The following KLHL4 variants were observed in gnomAD, a reference collection of about 807,000 sequenced individuals.
KLHL4 encodes kelch-like protein 4.
KLHL4 carries 17 observed loss-of-function variants against 45.8 expected under a neutral mutation model. That is an observed-to-expected ratio of 0.37 (90% CI 0.25 to 0.56). KLHL4 has a LOEUF of 0.56. KLHL4 is among the 20% of genes least tolerant of loss of function. The pLI, the probability that KLHL4 is intolerant of heterozygous loss-of-function variation, is 0.79. For missense variants in KLHL4, 544 were observed against 544.9 expected (o/e 1.00, Z 0.02); for synonymous variants, 224 against 189.9 (o/e 1.18, Z -1.47).
At chrX:87,600,183 G>C (rs1231607737) in intron 1 of KLHL4, among the ~76,000 whole-genome samples, 1 of 110,663 alleles carries the variant, frequency 9.0e-6, no homozygotes, top group Admixed American at 9.6e-5. Context: ...CACAGATCCG[G>C]TCATTTAAAA....
intron 9 of KLHL4, among the ~76,000 whole-genome samples, chrX:87,644,995 G>A (rs72634517): frequency 0.035 from 3,889 of 111,491 alleles, 75 homozygotes; most frequent in East Asian, 0.14. Flanking sequence ...TTTAGGCAAG[G>A]ATGTCATGAC....
chrX:87,605,551 T>A (rs1922165184), intron 1 of KLHL4, among the ~76,000 whole-genome samples: 1 of 111,276 alleles, frequency 9.0e-6, no homozygotes, highest in Non-Finnish European at 1.9e-5. Context: ...TGTTAGCATG[T>A]AGATACACTA....
chrX:87,608,474 CT>C (rs530132035), intron 1 of KLHL4, among the ~76,000 whole-genome samples: 129 of 106,863 alleles, frequency 1.2e-3, no homozygotes, highest in African/African-American at 3.5e-3. Flanking sequence ...TTCTGAAGGG[CT>C]TTTTTTTTTC....
intron 9 of KLHL4, among the ~76,000 whole-genome samples, chrX:87,640,443 A>T (rs758153920): frequency 8.9e-6 from 1 of 111,905 alleles, no homozygotes; most frequent in Non-Finnish European, 1.9e-5. Flanking sequence ...AATTCTCAAC[A>T]CAATACTAGT....
chrX:87,553,333 ATAAT>A (rs952903076), intron 1 of KLHL4, among the ~76,000 whole-genome samples: 4 of 110,988 alleles, frequency 3.6e-5, no homozygotes, highest in African/African-American at 6.5e-5. Context: ...TTATCAATCA[ATAAT>A]TAGTTAATGA....
At chrX:87,556,443 A>G (rs1180022454) in intron 1 of KLHL4, among the ~76,000 whole-genome samples, 18 of 106,936 alleles carry the variant, frequency 1.7e-4, no homozygotes, top group Non-Finnish European at 3.3e-4. Flanking sequence ...AACACTGCGC[A>G]TATTCTCACT....
In KLHL4 at chrX:87,582,288, A is replaced by G. The variant is rs1050320315; in HGVS notation, c.423-31589A>G. On this transcript the variant is annotated intron_variant, in intron 1 of 10. Coordinates refer to ENST00000373119, the MANE Select transcript of KLHL4 (RefSeq NM_019117.5). ...TTATATCACTGTAAAAAAGCACCTA[A>G]GAGATAGAAAAAAACAGTCTGGAAT... Among the ~76,000 whole-genome samples the G allele has an allele frequency of 5.7e-4, 55 of 96,559 alleles. 2 individuals carry two copies. Among genetic ancestry groups the G allele is most frequent in the Non-Finnish European group, 4.0e-5 (2 of 49,468 alleles). The allele number at this position is 96,559 out of a possible 115,157, so 83.8% of individuals were successfully genotyped here.
intron 1 of KLHL4, among the ~76,000 whole-genome samples, chrX:87,558,567 C>T (rs1242624404): frequency 1.8e-5 from 2 of 111,492 alleles, no homozygotes; most frequent in African/African-American, 6.5e-5. Context: ...CCAGTCTGGG[C>T]AACAGAGCGA....
intron 4 of KLHL4, 85 bp downstream of exon 4, chrX:87,618,213 CTT>C (rs1922629427): frequency 1.4e-6 from 1 of 735,348 alleles, no homozygotes; most frequent in Non-Finnish European, 1.9e-6. Context: ...ACTTATATAA[CTT>C]GTAGATGACT....
At position 87,622,309 on chromosome X, in the gene KLHL4, T is replaced by C. The variant is rs779241761; in HGVS notation, c.1023T>C (p.Asp341=). 4.1e-6 allele frequency: 5 copies of C among 1,206,157 alleles called. No individual in the cohort carries two copies. The highest frequency in any genetic ancestry group is 5.6e-6 in the Non-Finnish European group (5 of 890,612). ...GCAGTGATGACATTAATGTGCCTGA[T>C]GAAGAGACCATTTTTCATGCTCTAA... ...LLCSDDINVP[D]EETIFHALMQ... is the part of the protein sequence containing the mutation. The change falls in exon 5 of 11, where the codon GAT becomes GAC. Residue 341 remains aspartate, a synonymous_variant. Coordinates refer to ENST00000373119, the MANE Select transcript of KLHL4 (RefSeq NM_019117.5).
intron 9 of KLHL4, among the ~76,000 whole-genome samples, chrX:87,651,752 ATT>A (rs1306277224): frequency 8.9e-6 from 1 of 112,041 alleles, no homozygotes; most frequent in Admixed American, 9.4e-5. Context: ...ACAGACTGGC[ATT>A]GAGTGTCTGA....
chrX:87,622,441 G>T lies in KLHL4; in HGVS notation c.1137+18G>T. The T allele has an allele frequency of 9.2e-7, 1 of 1,087,795 alleles. No homozygotes were observed. Among genetic ancestry groups the T allele is most frequent in the Non-Finnish European group, 1.3e-6 (1 of 797,842 alleles). 89.6% of individuals were successfully genotyped at this position (1,087,795 alleles called of 1,213,427 possible). On this transcript the variant is annotated intron_variant, in intron 5 of 10. Coordinates refer to ENST00000373119, the MANE Select transcript of KLHL4 (RefSeq NM_019117.5). The stretch of plus-strand genomic sequence containing the variant: ...CACCACAGGTATGGAAAATTACCTA[G>T]GTAATTTAAAATATAGTTCTGAACT...
intron 1 of KLHL4, among the ~76,000 whole-genome samples, chrX:87,524,707 A>G (rs936709893): frequency 2.7e-4 from 30 of 112,122 alleles, no homozygotes; most frequent in African/African-American, 9.7e-4. Flanking sequence ...AACTGAGGAA[A>G]TTGAACAAAA....
At position 87,667,548 on chromosome X, in the gene KLHL4, T is replaced by A; in HGVS notation, c.*1014T>A. The A allele has an allele frequency of 1.5e-6, 1 of 667,640 alleles. No homozygotes were observed. The highest frequency in any genetic ancestry group is 1.8e-6 in the Non-Finnish European group (1 of 561,421). The allele number at this position is 667,640 out of a possible 1,213,427, so 55.0% of individuals were successfully genotyped here. A position where few individuals can be genotyped will look rare whatever the true frequency, so the allele number is the denominator to read the frequency against. On this transcript the variant is annotated 3_prime_UTR_variant, in exon 11 of 11. Coordinates refer to ENST00000373119, the MANE Select transcript of KLHL4 (RefSeq NM_019117.5). ...GTACCAACACATGCTTTTCTGTTAC[T>A]GTTATATTATCCAGTAGAAAATGTT...
In KLHL4 at chrX:87,641,551, C is replaced by T. The variant is rs763649600; in HGVS notation, c.1925+5776C>T. 5.4e-5 allele frequency among the ~76,000 whole-genome samples: 6 copies of T among 111,396 alleles called. No individual in the cohort carries two copies. In the South Asian group the frequency reaches 1.9e-3, roughly 35 times the overall value. On this transcript the variant is annotated intron_variant, in intron 9 of 10. Coordinates refer to ENST00000373119, the MANE Select transcript of KLHL4 (RefSeq NM_019117.5). ...TGTGAGAAGCCTCCTGGCCAGAAAT[C>T]GGGGGAGGGCACAAATCTGGTGTGC...
intron 1 of KLHL4, among the ~76,000 whole-genome samples, chrX:87,569,076 G>A (rs1238048614): frequency 9.0e-6 from 1 of 111,281 alleles, no homozygotes; most frequent in African/African-American, 3.3e-5. Flanking sequence ...TCATGTACCT[G>A]ATAGAGGGCT....
intron 8 of KLHL4, 100 bp downstream of exon 8, chrX:87,634,011 G>A (rs184341664): frequency 2.0e-5 from 13 of 638,670 alleles, no homozygotes; most frequent in Admixed American, 3.9e-5. Context: ...CAAATAACCT[G>A]GATGTACTTG....
chrX:87,525,475 A>G (rs1216200887), intron 1 of KLHL4, among the ~76,000 whole-genome samples: 9 of 111,615 alleles, frequency 8.1e-5, no homozygotes, highest in Admixed American at 7.7e-4. Context: ...CAGTGTTTCT[A>G]TTCCATTTAG....
At chrX:87,557,617 AT>A (rs58546975) in intron 1 of KLHL4, among the ~76,000 whole-genome samples, 2,526 of 109,728 alleles carry the variant, frequency 0.023, 73 homozygotes, top group African/African-American at 0.079. Context: ...AATGTTTATT[AT>A]TTTTTTTGCT....
Sources: gnomAD v4.1 joint callset for allele counts (sites outside exome capture counted in the v4.1 genomes callset) on GRCh38, gnomAD v4.1.1 for gene constraint, MANE v1.5 for transcripts, NCBI Gene and HGNC (gene_info 2026-07-23, HGNC 2026-07-21) for gene names.